KLRF1: variants seen among roughly 807,000 people sequenced by gnomAD.
The protein encoded by KLRF1 is killer cell lectin like receptor F1.
KLRF1 carries 27 observed loss-of-function variants against 30.7 expected under a neutral mutation model. That is an observed-to-expected ratio of 0.88 (90% CI 0.65 to 1.21). The LOEUF is 1.21. KLRF1 is among the 50% of genes most tolerant of loss of function. The pLI is 0.00. For missense variants in KLRF1, 246 were observed against 259.3 expected (o/e 0.95, Z 0.35); for synonymous variants, 92 against 89.3 (o/e 1.03, Z -0.17).
At chr12:9,819,637 C>T in the KLRF1 span, among the ~76,000 whole-genome samples, 2 of 152,128 alleles carry the variant, frequency 1.3e-5, no homozygotes, top group East Asian at 3.9e-4. Context: ...GAGCTGGCAA[C>T]AGGTCTGTAC....
chr12:9,810,767 G>T, the KLRF1 span, among the ~76,000 whole-genome samples: 1 of 152,328 alleles, frequency 6.6e-6, no homozygotes, highest in South Asian at 2.1e-4. Flanking sequence ...AGTGTTCAGA[G>T]ATTAGGAAGT....
the KLRF1 span, among the ~76,000 whole-genome samples, chr12:9,808,114 T>C: frequency 5.5e-4 from 83 of 151,466 alleles, no homozygotes; most frequent in African/African-American, 2.0e-3. Flanking sequence ...TTCTTTTTTT[T>C]AACTAAAGTA....
the KLRF1 span, among the ~76,000 whole-genome samples, chr12:9,812,974 A>T: frequency 2.6e-5 from 4 of 152,224 alleles, no homozygotes; most frequent in Non-Finnish European, 4.4e-5. Context: ...AGCATTCATC[A>T]TCAAGAGGTA....
intron 3 of KLRF1, among the ~76,000 whole-genome samples, chr12:9,834,903 G>A (rs1867536892): frequency 1.3e-5 from 2 of 152,040 alleles, no homozygotes; most frequent in Non-Finnish European, 2.9e-5. Flanking sequence ...GGTGGTTTTG[G>A]AGGATAACTG....
chr12:9,832,522 G>A (rs1867456050), intron 2 of KLRF1, 108 bp downstream of exon 2: 1 of 665,024 alleles, frequency 1.5e-6, no homozygotes, highest in African/African-American at 1.8e-5. Context: ...AACCAAGATT[G>A]AATTAGAAGC....
chr12:9,801,566 T>C, the KLRF1 span, among the ~76,000 whole-genome samples: 1 of 152,250 alleles, frequency 6.6e-6, no homozygotes, highest in Admixed American at 6.5e-5. Flanking sequence ...GGTATCTCAT[T>C]GTGGTTTTGA....
At chr12:9,820,234 C>G in the KLRF1 span, among the ~76,000 whole-genome samples, 2 of 152,216 alleles carry the variant, frequency 1.3e-5, no homozygotes, top group Non-Finnish European at 2.9e-5. Flanking sequence ...TGTTTCACAG[C>G]CTTCACTGTT....
the KLRF1 span, among the ~76,000 whole-genome samples, chr12:9,801,770 T>G: frequency 6.6e-6 from 1 of 152,108 alleles, no homozygotes; most frequent in Admixed American, 6.6e-5. Context: ...ATGGGTAGAT[T>G]GCAAATATTG....
At chr12:9,840,565 G>A (rs1867678181) in intron 3 of KLRF1, among the ~76,000 whole-genome samples, 1 of 151,966 alleles carries the variant, frequency 6.6e-6, no homozygotes, top group African/African-American at 2.4e-5. Context: ...CAGTTATTAA[G>A]AGGTTGAAAA....
chr12:9,827,108 G>A (rs1867298208), upstream of KLRF1, among the ~76,000 whole-genome samples: 1 of 152,030 alleles, frequency 6.6e-6, no homozygotes, highest in Non-Finnish European at 1.5e-5. Context: ...TAATTGCTTG[G>A]CAATTGCAAA....
At chr12:9,832,098 T>A (rs575954664) in intron 1 of KLRF1, among the ~76,000 whole-genome samples, 35 of 152,186 alleles carry the variant, frequency 2.3e-4, no homozygotes, top group Non-Finnish European at 4.7e-4. Context: ...TTCTTCAGAT[T>A]TGATATGACA....
intron 1 of KLRF1, among the ~76,000 whole-genome samples, chr12:9,829,900 T>C (rs1867372420): frequency 6.6e-6 from 1 of 152,250 alleles, no homozygotes. Flanking sequence ...CACTCTTTTG[T>C]TCTTTCAGAT....
At chr12:9,821,313 C>G in the KLRF1 span, among the ~76,000 whole-genome samples, 2 of 152,096 alleles carry the variant, frequency 1.3e-5, no homozygotes, top group Non-Finnish European at 2.9e-5. Flanking sequence ...CAGGGGCAAC[C>G]AAAAGCCCAT....
At chr12:9,804,053 A>G in the KLRF1 span, among the ~76,000 whole-genome samples, 4 of 151,956 alleles carry the variant, frequency 2.6e-5, no homozygotes, top group East Asian at 7.7e-4. Context: ...TCTCATTAGC[A>G]AGGTAGCTAG....
At chr12:9,828,850 CA>C (rs1224687673) in intron 1 of KLRF1, among the ~76,000 whole-genome samples, 1 of 152,192 alleles carries the variant, frequency 6.6e-6, no homozygotes, top group African/African-American at 2.4e-5. Context: ...TGAAAGACTA[CA>C]ACATGTAGTG....
chr12:9,809,712 T>C, the KLRF1 span, among the ~76,000 whole-genome samples: 1 of 151,862 alleles, frequency 6.6e-6, no homozygotes, highest in South Asian at 2.1e-4. Context: ...TAAATTGTTA[T>C]TATTGTTGGA....
At chr12:9,811,052 C>G in the KLRF1 span, among the ~76,000 whole-genome samples, 1 of 151,748 alleles carries the variant, frequency 6.6e-6, no homozygotes, top group Non-Finnish European at 1.5e-5. Flanking sequence ...TCCTGTGGGC[C>G]GGATGAAGAT....
intron 3 of KLRF1, among the ~76,000 whole-genome samples, chr12:9,839,384 A>C (rs1867655275): frequency 6.6e-6 from 1 of 152,056 alleles, no homozygotes; most frequent in Non-Finnish European, 1.5e-5. Flanking sequence ...GGGTATGCAA[A>C]CATTCAGTTC....
the KLRF1 span, among the ~76,000 whole-genome samples, chr12:9,807,128 C>T: frequency 6.6e-6 from 1 of 151,950 alleles, no homozygotes; most frequent in African/African-American, 2.4e-5. Context: ...GTACAATTAA[C>T]TTATAAGAAT....
Sources: gnomAD v4.1 joint callset for allele counts (sites outside exome capture counted in the v4.1 genomes callset) on GRCh38, gnomAD v4.1.1 for gene constraint, MANE v1.5 for transcripts, NCBI Gene and HGNC (gene_info 2026-07-23, HGNC 2026-07-21) for gene names.